The following ANKS1B variants were observed in gnomAD, a reference collection of about 807,000 sequenced individuals.
ANKS1B encodes the protein ankyrin repeat and sterile alpha motif domain containing 1B, also known as ankyrin repeat and sterile alpha motif domain-containing protein 1B.
Under a neutral mutation model 148.3 loss-of-function variants are expected in ANKS1B, and 36 were observed. The ratio of observed to expected loss-of-function variants is 0.24; its 90% CI spans 0.19 to 0.32. The LOEUF (loss-of-function observed/expected upper bound fraction) is 0.32, where lower values mean the gene tolerates loss of function less well. Ranked by LOEUF, ANKS1B falls within the 10% of genes least tolerant of loss-of-function variation. The pLI is 1.00. For synonymous variants in ANKS1B, 542 were observed against 560.8 expected (o/e 0.97, Z 0.47); for missense variants, 1,157 against 1,542.6 (o/e 0.75, Z 4.19).
intron 17 of ANKS1B, among the ~76,000 whole-genome samples, chr12:98,892,076 C>T (rs1318874899): frequency 6.6e-6 from 1 of 152,172 alleles, no homozygotes; most frequent in Non-Finnish European, 1.5e-5. Flanking sequence ...TTGTTCATTC[C>T]TCTCAGGACA....
chr12:99,678,099 ACGAG>A (rs1211372462), intron 8 of ANKS1B, among the ~76,000 whole-genome samples: 1 of 152,386 alleles, frequency 6.6e-6, no homozygotes, highest in African/African-American at 2.4e-5. Context: ...GGTGTACCTT[ACGAG>A]AGACAACCAA....
intron 12 of ANKS1B, among the ~76,000 whole-genome samples, chr12:99,344,195 G>C (rs1369185664): frequency 6.6e-6 from 1 of 151,926 alleles, no homozygotes; most frequent in East Asian, 1.9e-4. Context: ...ACAAACCACT[G>C]TGTGTGTATA....
intron 9 of ANKS1B, among the ~76,000 whole-genome samples, chr12:99,629,892 T>C (rs1256306395): frequency 6.6e-6 from 1 of 152,134 alleles, no homozygotes; most frequent in Non-Finnish European, 1.5e-5. Context: ...GAAAAAATAA[T>C]AGGTTATATG....
At chr12:98,889,335 G>A (rs1007060270) in intron 17 of ANKS1B, among the ~76,000 whole-genome samples, 4 of 150,918 alleles carry the variant, frequency 2.7e-5, no homozygotes, top group Non-Finnish European at 4.4e-5. Context: ...TGAAGGGAAC[G>A]TCAGAACCTT....
chr12:98,985,946 G>C (rs2099923079), intron 17 of ANKS1B, among the ~76,000 whole-genome samples: 1 of 151,970 alleles, frequency 6.6e-6, no homozygotes, highest in Admixed American at 6.6e-5. Context: ...CTCTGCTTTT[G>C]TTTGTCTGAA....
intron 12 of ANKS1B, among the ~76,000 whole-genome samples, chr12:99,368,643 T>C (rs1413374611): frequency 6.6e-6 from 1 of 152,084 alleles, no homozygotes; most frequent in Non-Finnish European, 1.5e-5. Flanking sequence ...TCTTGCACTA[T>C]CTGTTGTCAT....
chr12:98,812,801 G>T (rs555590722), intron 19 of ANKS1B, among the ~76,000 whole-genome samples: 1 of 152,096 alleles, frequency 6.6e-6, no homozygotes, highest in East Asian at 1.9e-4. Flanking sequence ...GGTCTCAAAC[G>T]CCTGGCCTCA....
chr12:99,581,541 G>A (rs889971932), intron 9 of ANKS1B, among the ~76,000 whole-genome samples: 39 of 152,274 alleles, frequency 2.6e-4, no homozygotes, highest in African/African-American at 8.9e-4. Context: ...ATAAAAGACT[G>A]ATAATTTGAA....
intron 25 of ANKS1B, among the ~76,000 whole-genome samples, chr12:98,767,292 A>C (rs955063671): frequency 6.6e-6 from 1 of 152,176 alleles, no homozygotes; most frequent in East Asian, 1.9e-4. Context: ...GTACTACAGA[A>C]GGTGATCACA....
intron 14 of ANKS1B, among the ~76,000 whole-genome samples, chr12:99,238,230 C>A (rs760019126): frequency 5.4e-4 from 83 of 152,380 alleles, no homozygotes; most frequent in African/African-American, 2.0e-3. Flanking sequence ...TAGCAACTGG[C>A]AGACCAGGAG....
At chr12:99,562,956 T>C (rs1181235400) in intron 9 of ANKS1B, among the ~76,000 whole-genome samples, 1 of 152,222 alleles carries the variant, frequency 6.6e-6, no homozygotes, top group African/African-American at 2.4e-5. Context: ...CCTTACAGTT[T>C]TGTACTATGG....
At chr12:98,837,832 A>T (rs1010000533) in intron 17 of ANKS1B, among the ~76,000 whole-genome samples, 5 of 152,220 alleles carry the variant, frequency 3.3e-5, no homozygotes, top group African/African-American at 4.8e-5. Context: ...TAATTTAAAC[A>T]TGATGTAAAT....
At chr12:99,528,958 G>T (rs1717792934) in intron 9 of ANKS1B, among the ~76,000 whole-genome samples, 1 of 152,076 alleles carries the variant, frequency 6.6e-6, no homozygotes, top group African/African-American at 2.4e-5. Context: ...GTGATTTTCA[G>T]GGAAAAAATA....
intron 8 of ANKS1B, among the ~76,000 whole-genome samples, chr12:99,722,867 C>A (rs2058228238): frequency 2.6e-5 from 4 of 152,178 alleles, no homozygotes; most frequent in Admixed American, 2.6e-4. Flanking sequence ...GCTGGTGTGA[C>A]CTACAGAGAG....
intron 7 of ANKS1B, among the ~76,000 whole-genome samples, chr12:99,775,063 G>A (rs2063531720): frequency 6.6e-6 from 1 of 151,924 alleles, no homozygotes; most frequent in Non-Finnish European, 1.5e-5. Flanking sequence ...AATAAATTCT[G>A]GAGATTTAAA....
chr12:99,413,052 C>T (rs2250859), intron 11 of ANKS1B, among the ~76,000 whole-genome samples: 1 of 151,978 alleles, frequency 6.6e-6, no homozygotes, highest in African/African-American at 2.4e-5. Flanking sequence ...AGATTATGGC[C>T]AAACATAGAC....
chr12:99,613,847 C>T (rs2097922836), intron 9 of ANKS1B, among the ~76,000 whole-genome samples: 1 of 151,750 alleles, frequency 6.6e-6, no homozygotes, highest in Admixed American at 6.6e-5. Flanking sequence ...TGTACATGCA[C>T]CCCTAAACTT....
intron 17 of ANKS1B, among the ~76,000 whole-genome samples, chr12:99,019,924 G>T (rs2153434513): frequency 6.6e-6 from 1 of 152,226 alleles, no homozygotes; most frequent in East Asian, 1.9e-4. Flanking sequence ...AGTAAAGTTT[G>T]TTACTATGGG....
intron 12 of ANKS1B, among the ~76,000 whole-genome samples, chr12:99,391,452 T>C (rs1267781117): frequency 6.6e-6 from 1 of 152,214 alleles, no homozygotes; most frequent in Non-Finnish European, 1.5e-5. Flanking sequence ...CTATTCCTTC[T>C]TTAAAGAATA....
Sources: gnomAD v4.1 joint callset for allele counts (sites outside exome capture counted in the v4.1 genomes callset) on GRCh38, gnomAD v4.1.1 for gene constraint, MANE v1.5 for transcripts, NCBI Gene and HGNC (gene_info 2026-07-23, HGNC 2026-07-21) for gene names.